The following CD276 variants were observed in gnomAD, a reference collection of about 807,000 sequenced individuals.
The protein encoded by CD276 is CD276 antigen.
A neutral mutation model predicts 50.0 loss-of-function variants in CD276; 34 were observed. That is an observed-to-expected ratio of 0.68 (90% confidence interval 0.52 to 0.91). The LOEUF (loss-of-function observed/expected upper bound fraction) is 0.91, where lower values mean the gene tolerates loss of function less well. CD276 is among the 40% of genes least tolerant of loss of function. CD276 has a pLI of 0.00. For synonymous variants in CD276, 275 were observed against 313.0 expected (o/e 0.88, Z 1.28); for missense variants, 634 against 717.5 (o/e 0.88, Z 1.33).
In CD276 at chr15:73,687,510, C is replaced by T. The variant is rs1596000731; in HGVS notation, c.-55+3050C>T. On this transcript the variant is annotated intron_variant, in intron 1 of 9. Transcript: ENST00000318443. This position sits in a 1 kb window ranked among gnomAD's most constrained non-coding sequence, Gnocchi z 4.0. ...GGTCTCCTTAGTAAGTCAGGGAAGA[C>T]TCATCTGGGGAACCAGAGAAGGGGC... 1.3e-5 allele frequency among the ~76,000 whole-genome samples: 2 copies of T among 152,174 alleles called. No individual in the cohort carries two copies. The highest frequency in any genetic ancestry group is 6.5e-5 in the Admixed American group (1 of 15,278).
rs1900573985 is a variant in CD276 at position 73,704,580 on chromosome 15, C to T, written c.1369+108C>T. On this transcript the variant is annotated intron_variant, in intron 6 of 9. Transcript: ENST00000318443. The surrounding 1 kb of genome is among the most constrained non-coding windows in gnomAD (Gnocchi z 4.1). ...TGGGTGGCCAGAAGACTTTCAAAAT[C>T]CCTTTCATAGACTTCAGGTGCTCAC... 7.1e-7 allele frequency: 1 copy of T among 1,409,386 alleles called. No homozygotes were observed. Among genetic ancestry groups the T allele is most frequent in the Non-Finnish European group, 9.5e-7 (1 of 1,049,676 alleles). 87.3% of individuals were successfully genotyped at this position (1,409,386 alleles called of 1,614,324 possible).
intron 7 of CD276, among the ~76,000 whole-genome samples, chr15:73,708,860 T>G (rs141994315): frequency 2.0e-5 from 3 of 152,352 alleles, no homozygotes; most frequent in African/African-American, 4.8e-5. Context: ...GCCAGGGGCG[T>G]GCATGGCACT....
intron 2 of CD276, among the ~76,000 whole-genome samples, chr15:73,700,894 C>CCCTCCTGCCCCTCCTCCCT (rs1900356952): frequency 1.1e-5 from 1 of 95,058 alleles, no homozygotes; most frequent in African/African-American, 6.2e-5. Context: ...CCCTCCTCCC[C>CCCTCCTGCCCCTCCTCCCT]TCCTCCTCCT....
In CD276 at chr15:73,702,149, A is replaced by AG. The variant is rs1038661514; in HGVS notation, c.80-104dup. 1.3e-5 allele frequency: 11 copies of AG among 877,034 alleles called. No individual in the cohort carries two copies. In the African/African-American group the frequency reaches 1.5e-4, roughly 12 times the overall value. The allele number at this position is 877,034 out of a possible 1,614,324, so 54.3% of individuals were successfully genotyped here. A position where few individuals can be genotyped will look rare whatever the true frequency, so the allele number is the denominator to read the frequency against. On this transcript the variant is annotated intron_variant, in intron 2 of 9. Coordinates refer to ENST00000318443, the MANE Select transcript of CD276 (RefSeq NM_001024736.2). ...AATTACTTTGGGTCTCAGGCCTAAA[A>AG]GGAGGGGTGGACAGGGCCTGGGGTT...
intron 1 of CD276, among the ~76,000 whole-genome samples, chr15:73,689,497 G>C (rs1229208136): frequency 6.6e-6 from 1 of 152,128 alleles, no homozygotes; most frequent in Non-Finnish European, 1.5e-5. Context: ...CAGGGAGGCT[G>C]TTCCCAGGGA....
At chr15:73,696,571 AGGGCGCAGCCCT>A (rs1900186311) in intron 1 of CD276, among the ~76,000 whole-genome samples, 1 of 152,180 alleles carries the variant, frequency 6.6e-6, no homozygotes, top group South Asian at 2.1e-4. Flanking sequence ...GAGCAAGTCC[AGGGCGCAGCCCT>A]GGAAGTCCCT....
chr15:73,707,629 C>T (rs960882145), intron 6 of CD276, among the ~76,000 whole-genome samples: 5 of 152,250 alleles, frequency 3.3e-5, no homozygotes, highest in African/African-American at 1.2e-4. Context: ...GGGCCACACA[C>T]CATCTCTGTT....
intron 2 of CD276, among the ~76,000 whole-genome samples, chr15:73,701,304 C>T (rs989622637): frequency 2.6e-5 from 4 of 152,138 alleles, no homozygotes; most frequent in East Asian, 1.9e-4. Context: ...CAGCTGAAAC[C>T]GCCCCTAACT....
intron 9 of CD276, 103 bp downstream of exon 9, chr15:73,711,273 C>T: frequency 1.6e-6 from 2 of 1,265,438 alleles, no homozygotes; most frequent in South Asian, 1.2e-5. Flanking sequence ...TGACCTGAGG[C>T]CCCCTCTGCA....
intron 2 of CD276, 140 bp downstream of exon 2, chr15:73,699,858 G>T (rs1900311061): frequency 2.1e-6 from 2 of 962,392 alleles, no homozygotes; most frequent in Non-Finnish European, 3.0e-6. Flanking sequence ...GTGGGATCCA[G>T]TAGGCAACTC....
At position 73,704,378 on chromosome 15, in the gene CD276, C is replaced by T. The variant is rs369841571; in HGVS notation, c.1275C>T (p.Val425=). 6.2e-7 allele frequency: 1 copy of T among 1,614,024 alleles called. No homozygotes were observed. The highest frequency in any genetic ancestry group is 8.5e-7 in the Non-Finnish European group (1 of 1,180,058). The change falls in exon 6 of 10, where the codon GTC becomes GTT. Residue 425 remains valine, a synonymous_variant. Coordinates refer to ENST00000318443, the MANE Select transcript of CD276 (RefSeq NM_001024736.2). This position sits in a 1 kb window ranked among gnomAD's most constrained non-coding sequence, Gnocchi z 4.1. ...AGGGCTTGTTTGATGTGCACAGCGTCCTGCGGGTGGTGCTGGGTGCGAATG... is the reference window on the plus strand; with the variant it reads ...AGGGCTTGTTTGATGTGCACAGCGTTCTGCGGGTGGTGCTGGGTGCGAATG... ...NEQGLFDVHS[V]LRVVLGANGT...
chr15:73,704,045 C>T lies in CD276; in HGVS notation c.1072+48C>T, dbSNP rs1028173743. 8 of 1,577,614 alleles carry T rather than the reference C, an allele frequency of 5.1e-6. No homozygotes were observed. The highest frequency in any genetic ancestry group is 1.7e-5 in the Admixed American group (1 of 57,458). On this transcript the variant is annotated intron_variant, in intron 5 of 9. Coordinates refer to ENST00000318443, the MANE Select transcript of CD276 (RefSeq NM_001024736.2). The surrounding 1 kb of genome is among the most constrained non-coding windows in gnomAD (Gnocchi z 4.1). ...CTTCCCCTTGGTTCACCCTCCATTC[C>T]CTCTGCAGCCCACCCTCTGCTGCAC...
intron 1 of CD276, among the ~76,000 whole-genome samples, chr15:73,688,964 A>G (rs1420036115): frequency 6.6e-6 from 1 of 152,146 alleles, no homozygotes; most frequent in African/African-American, 2.4e-5. Flanking sequence ...ATTTCCAGAT[A>G]TGTTTAGGTG....
chr15:73,709,828 C>T, intron 8 of CD276, 139 bp downstream of exon 8: 1 of 754,974 alleles, frequency 1.3e-6, no homozygotes, highest in Non-Finnish European at 2.1e-6. Flanking sequence ...ACCTCCCCAC[C>T]CCGGTGAGTC....
chr15:73,712,900 C>G, intron 9 of CD276, 34 bp from the exon 10 acceptor site: 1 of 1,611,374 alleles, frequency 6.2e-7, no homozygotes, highest in South Asian at 1.1e-5. Flanking sequence ...ATGCTTTTCC[C>G]TTCCCTTTTT....
At chr15:73,686,199 G>C (rs1396731802) in intron 1 of CD276, 2 of 566,798 alleles carry the variant, frequency 3.5e-6, no homozygotes, top group African/African-American at 4.1e-5. Context: ...CTGACCTTTG[G>C]AGTTCTTCCA....
rs1901027068 is a variant in CD276 at position 73,714,066 on chromosome 15, A to G, written c.*1110A>G. 6.9e-6 allele frequency: 2 copies of G among 290,480 alleles called. No homozygotes were observed. 18.0% of individuals were successfully genotyped at this position (290,480 alleles called of 1,614,324 possible). A position where few individuals can be genotyped will look rare whatever the true frequency, so the allele number is the denominator to read the frequency against. ...ATACCTCACCCCCATCCCACCCATA[A>G]TTCTTACCCAGAGCATGGGGTTGGG... On this transcript the variant is annotated 3_prime_UTR_variant, in exon 10 of 10. Transcript: ENST00000318443.
chr15:73,711,051 C>G (rs1243600884), intron 8 of CD276, 84 bp from the exon 9 acceptor site: 1 of 1,432,172 alleles, frequency 7.0e-7, no homozygotes, highest in Non-Finnish European at 9.8e-7. Flanking sequence ...CCCTTCCAGC[C>G]CTCACTCCTC....
chr15:73,699,764 G>C lies in CD276; in HGVS notation c.79+46G>C, dbSNP rs529911034. 55 of 1,537,244 alleles carry C rather than the reference G, an allele frequency of 3.6e-5. No individual in the cohort carries two copies. The African/African-American group carries it at 7.1e-4, about 20-fold the overall frequency. On this transcript the variant is annotated intron_variant, in intron 2 of 9. Coordinates refer to ENST00000318443, the MANE Select transcript of CD276 (RefSeq NM_001024736.2). ...ACGGGAGGGGAGGGACAGTGATTGT[G>C]GCAGTTGGGGAGGGGGTGCCCACGC...
Sources: allele counts gnomAD v4.1 joint callset (sites outside exome capture counted in the v4.1 genomes callset), GRCh38; gene constraint gnomAD v4.1.1; non-coding constraint Gnocchi (gnomAD v3.1); transcripts MANE v1.5; gene names NCBI Gene and HGNC (gene_info 2026-07-23, HGNC 2026-07-21).